FBXO4: variants seen among roughly 807,000 people sequenced by gnomAD.
FBXO4 encodes F-box protein 4.
Under a neutral mutation model 43.7 loss-of-function variants are expected in FBXO4, and 36 were observed. The observed-to-expected ratio is 0.82, with a 90% CI of 0.63 to 1.09. The LOEUF (loss-of-function observed/expected upper bound fraction) is 1.09, where lower values mean the gene tolerates loss of function less well. Among genes scored for constraint, FBXO4 ranks in the 50% least tolerant of loss-of-function variants. The pLI is 0.00. For synonymous variants in FBXO4, 180 were observed against 165.6 expected (o/e 1.09, Z -0.67); for missense variants, 435 against 474.1 (o/e 0.92, Z 0.77).
the FBXO4 span, among the ~76,000 whole-genome samples, chr5:41,947,380 A>C: frequency 2.6e-5 from 4 of 152,242 alleles, no homozygotes; most frequent in Non-Finnish European, 4.4e-5. Flanking sequence ...CCAGTATCCA[A>C]AGGAGATGAA....
the FBXO4 span, among the ~76,000 whole-genome samples, chr5:41,959,447 A>G: frequency 6.6e-6 from 1 of 152,092 alleles, no homozygotes; most frequent in East Asian, 1.9e-4. Flanking sequence ...CCGTATTTTA[A>G]AAAGTCCTTG....
chr5:41,973,294 A>G, the FBXO4 span, among the ~76,000 whole-genome samples: 1 of 152,186 alleles, frequency 6.6e-6, no homozygotes, highest in Admixed American at 6.5e-5. Context: ...ACAACATACA[A>G]GCACCCAACG....
Position 41,939,628 on chromosome 5 carries a change from T to A in FBXO4, c.1074+12T>A, listed in dbSNP as rs1480599425. 2.5e-6 allele frequency: 4 copies of A among 1,575,576 alleles called. No individual in the cohort carries two copies. In the South Asian group the frequency reaches 4.7e-5, roughly 19 times the overall value. On this transcript the variant is annotated intron_variant, in intron 6 of 6. Transcript: ENST00000281623. ...ATCACCCATGGCTGGTAAGATCATT[T>A]ATACTCTAGTGACAAAAATTTTATT...
chr5:41,967,547 G>A, the FBXO4 span: 3 of 994,352 alleles, frequency 3.0e-6, no homozygotes, highest in Admixed American at 1.8e-5. Flanking sequence ...CACCCCATCT[G>A]TGTGCAGTGA....
chr5:41,934,216 A>T lies in FBXO4; in HGVS notation c.806A>T (p.Gln269Leu). ...FSRHNEGDDQQGSRYSVIPQI... is the reference protein window; with the variant it reads ...FSRHNEGDDQLGSRYSVIPQI... ...CGACACAATGAAGGTGATGATCAAC[A>T]AGGAAGCCGGTACAGTGTGATTCCA... The change falls in exon 5 of 7, where the codon CAA (glutamine) becomes CTA (leucine). Residue 269 changes from glutamine (Q) to leucine (L), a missense_variant. Gln to Leu is a moderately radical substitution (Grantham distance 113). Transcript: ENST00000281623. 6.2e-7 allele frequency: 1 copy of T among 1,614,164 alleles called. No homozygotes were observed. Among genetic ancestry groups the T allele is most frequent in the Non-Finnish European group, 8.5e-7 (1 of 1,180,012 alleles).
intron 5 of FBXO4, among the ~76,000 whole-genome samples, chr5:41,936,775 A>G (rs1326932811): frequency 6.6e-6 from 1 of 152,186 alleles, no homozygotes; most frequent in Non-Finnish European, 1.5e-5. Context: ...CAAAGAGAAA[A>G]AAAAGTAAGA....
At chr5:41,942,817 C>T (rs140219205), downstream of FBXO4, among the ~76,000 whole-genome samples, 17 of 152,132 alleles carry the variant, frequency 1.1e-4, no homozygotes, top group African/African-American at 3.6e-4. Flanking sequence ...ATATTTGATC[C>T]TTGATGATTT....
At chr5:41,953,404 C>A in the FBXO4 span, among the ~76,000 whole-genome samples, 1 of 152,134 alleles carries the variant, frequency 6.6e-6, no homozygotes. Flanking sequence ...CATTGTTGGA[C>A]ATTTGGGTTG....
chr5:42,026,192 T>G, the FBXO4 span, among the ~76,000 whole-genome samples: 106 of 152,022 alleles, frequency 7.0e-4, no homozygotes, highest in Non-Finnish European at 1.2e-3. Context: ...TTTCCATTTT[T>G]TGGTGTCCTC....
At chr5:41,966,210 T>A in the FBXO4 span, among the ~76,000 whole-genome samples, 1 of 152,152 alleles carries the variant, frequency 6.6e-6, no homozygotes, top group African/African-American at 2.4e-5. Flanking sequence ...GATGAGTTAC[T>A]GGGTGCAGCA....
At chr5:42,012,296 G>GA in the FBXO4 span, among the ~76,000 whole-genome samples, 4 of 152,104 alleles carry the variant, frequency 2.6e-5, no homozygotes, top group Non-Finnish European at 5.9e-5. Flanking sequence ...TGTACCTTGA[G>GA]AAAATCTCCA....
At chr5:41,983,053 C>T in the FBXO4 span, among the ~76,000 whole-genome samples, 731 of 152,142 alleles carry the variant, frequency 4.8e-3, 6 homozygotes, top group African/African-American at 0.017. Flanking sequence ...TGAACTCATC[C>T]TTTTTTATGG....
the FBXO4 span, among the ~76,000 whole-genome samples, chr5:42,018,900 G>C: frequency 3.3e-5 from 5 of 152,060 alleles, no homozygotes; most frequent in Non-Finnish European, 7.4e-5. Context: ...AATGCTGCTA[G>C]GGCTACTAAT....
At chr5:41,946,086 C>A (rs1752073429), downstream of FBXO4, among the ~76,000 whole-genome samples, 1 of 152,184 alleles carries the variant, frequency 6.6e-6, no homozygotes, top group Non-Finnish European at 1.5e-5. Flanking sequence ...CCCACGCCCT[C>A]ACTAAACTTA....
At chr5:41,930,886 G>A (rs1751668351) in intron 3 of FBXO4, among the ~76,000 whole-genome samples, 1 of 152,132 alleles carries the variant, frequency 6.6e-6, no homozygotes, top group Non-Finnish European at 1.5e-5. Context: ...TCGATCTCAT[G>A]ACCTCGTGAT....
At chr5:41,987,718 G>A in the FBXO4 span, among the ~76,000 whole-genome samples, 1 of 152,156 alleles carries the variant, frequency 6.6e-6, no homozygotes, top group Non-Finnish European at 1.5e-5. Flanking sequence ...TCCTGTAATT[G>A]AAAGTAATGG....
intron 2 of FBXO4, 86 bp downstream of exon 2, chr5:41,927,334 T>A: frequency 1.0e-6 from 1 of 996,936 alleles, no homozygotes; most frequent in Non-Finnish European, 1.5e-6. Context: ...CTGACCCTGC[T>A]ACTGATTTGT....
At chr5:42,000,764 A>G in the FBXO4 span, among the ~76,000 whole-genome samples, 3 of 152,196 alleles carry the variant, frequency 2.0e-5, no homozygotes, top group Admixed American at 1.3e-4. Context: ...ACATAGTGTC[A>G]TAAAGATTTG....
chr5:41,928,337 T>A (rs558962059), intron 2 of FBXO4, among the ~76,000 whole-genome samples: 1 of 151,476 alleles, frequency 6.6e-6, no homozygotes, highest in South Asian at 2.1e-4. Flanking sequence ...TTCTTTCTTT[T>A]CTTTTTTTTT....
Sources: allele counts gnomAD v4.1 joint callset (sites outside exome capture counted in the v4.1 genomes callset), GRCh38; gene constraint gnomAD v4.1.1; transcripts MANE v1.5; gene names NCBI Gene and HGNC (gene_info 2026-07-23, HGNC 2026-07-21).